TRPC6: variants seen among roughly 807,000 people sequenced by gnomAD.
The protein encoded by TRPC6 is short transient receptor potential channel 6.
TRPC6 carries 55 observed loss-of-function variants against 90.7 expected under a neutral mutation model. That is an observed-to-expected ratio of 0.61 (90% CI 0.49 to 0.76). The LOEUF is 0.76. TRPC6 is among the 30% of genes least tolerant of loss of function. The pLI is 0.00. For synonymous variants in TRPC6, 393 were observed against 393.0 expected (o/e 1.00, Z 0.00); for missense variants, 989 against 1,122.7 (o/e 0.88, Z 1.70).
chr11:101,487,727 T>C (rs187788358), intron 4 of TRPC6, among the ~76,000 whole-genome samples: 1 of 152,316 alleles, frequency 6.6e-6, no homozygotes, highest in Non-Finnish European at 1.5e-5. Flanking sequence ...CTCATTTATA[T>C]TATGAATCTG....
At chr11:101,478,997 C>T (rs951618142) in intron 5 of TRPC6, among the ~76,000 whole-genome samples, 1 of 152,160 alleles carries the variant, frequency 6.6e-6, no homozygotes, top group African/African-American at 2.4e-5. Context: ...CCTGCTAAGT[C>T]GTCACTTTGT....
At chr11:101,523,315 CAG>C (rs1369954684) in intron 1 of TRPC6, among the ~76,000 whole-genome samples, 2 of 152,142 alleles carry the variant, frequency 1.3e-5, no homozygotes, top group African/African-American at 4.8e-5. Context: ...TAGGATTTAA[CAG>C]AGTTTTTTCT....
intron 2 of TRPC6, among the ~76,000 whole-genome samples, chr11:101,497,913 G>A (rs75162908): frequency 0.055 from 8,403 of 152,098 alleles, 554 homozygotes; most frequent in East Asian, 0.33. Flanking sequence ...GGATTTTTAA[G>A]AGGAATAAAA....
intron 1 of TRPC6, among the ~76,000 whole-genome samples, chr11:101,548,893 C>T (rs950395969): frequency 4.0e-5 from 6 of 151,826 alleles, no homozygotes; most frequent in East Asian, 1.9e-4. Context: ...AAAATATATA[C>T]GGTTACATAT....
chr11:101,562,567 C>T (rs1222182137), intron 1 of TRPC6, among the ~76,000 whole-genome samples: 6 of 152,074 alleles, frequency 3.9e-5, no homozygotes, highest in African/African-American at 1.4e-4. Flanking sequence ...GCTCTACAGA[C>T]CTCATACCAA....
chr11:101,500,495 A>G (rs1013710934), intron 2 of TRPC6, among the ~76,000 whole-genome samples: 1 of 152,044 alleles, frequency 6.6e-6, no homozygotes, highest in Non-Finnish European at 1.5e-5. Flanking sequence ...GGTGTGAGCC[A>G]CCATTCTCGG....
intron 1 of TRPC6, among the ~76,000 whole-genome samples, chr11:101,535,808 T>C (rs1861032319): frequency 6.6e-6 from 1 of 152,162 alleles, no homozygotes; most frequent in East Asian, 1.9e-4. Flanking sequence ...GGTAACCAGA[T>C]TAATGGCTAT....
intron 1 of TRPC6, among the ~76,000 whole-genome samples, chr11:101,526,446 A>T (rs1860781162): frequency 6.6e-6 from 1 of 152,220 alleles, no homozygotes; most frequent in Non-Finnish European, 1.5e-5. Flanking sequence ...TAAAGTCAAG[A>T]TCAATAAGTA....
chr11:101,472,010 G>C (rs1054023743), intron 8 of TRPC6, 127 bp downstream of exon 8: 1 of 957,024 alleles, frequency 1.0e-6, no homozygotes, highest in Non-Finnish European at 1.6e-6. Flanking sequence ...CTGGTCAAAC[G>C]AGTGTATAAA....
chr11:101,578,758 CA>C (rs1490859076), intron 1 of TRPC6, among the ~76,000 whole-genome samples: 2 of 152,078 alleles, frequency 1.3e-5, no homozygotes, highest in African/African-American at 4.8e-5. Flanking sequence ...CCATTAATAA[CA>C]AGAGAGTAAA....
intron 1 of TRPC6, among the ~76,000 whole-genome samples, chr11:101,507,728 G>A (rs1302690888): frequency 6.6e-6 from 1 of 151,994 alleles, no homozygotes; most frequent in East Asian, 1.9e-4. Context: ...TTTGATTCTG[G>A]ATATTGTCTT....
intron 10 of TRPC6, 93 bp downstream of exon 10, chr11:101,469,334 A>G: frequency 1.4e-6 from 1 of 697,786 alleles, no homozygotes; most frequent in Non-Finnish European, 2.6e-6. Flanking sequence ...TCTGTTCTCT[A>G]CTTGCTAAAA....
intron 1 of TRPC6, among the ~76,000 whole-genome samples, chr11:101,536,157 T>A (rs1431695516): frequency 6.6e-6 from 1 of 152,104 alleles, no homozygotes; most frequent in African/African-American, 2.4e-5. Context: ...GAGGCCAAGA[T>A]GGGCGGATCA....
chr11:101,468,579 T>C (rs1414178815), intron 10 of TRPC6, among the ~76,000 whole-genome samples: 1 of 152,164 alleles, frequency 6.6e-6, no homozygotes, highest in African/African-American at 2.4e-5. Context: ...ATCCCCGACT[T>C]TTCCTTTGCC....
intron 2 of TRPC6, among the ~76,000 whole-genome samples, chr11:101,502,362 T>C (rs11224802): frequency 0.1 from 15,480 of 152,184 alleles, 906 homozygotes; most frequent in East Asian, 0.16. Flanking sequence ...AGGACAGGAT[T>C]GCTGACTGAA....
intron 1 of TRPC6, among the ~76,000 whole-genome samples, chr11:101,548,415 T>C (rs1437740140): frequency 8.5e-6 from 1 of 117,248 alleles, no homozygotes; most frequent in South Asian, 4.0e-4. Flanking sequence ...TTATATAAAA[T>C]ATATTTAATA....
chr11:101,559,225 C>T (rs1861656598), intron 1 of TRPC6, among the ~76,000 whole-genome samples: 1 of 149,798 alleles, frequency 6.7e-6, no homozygotes, highest in Admixed American at 6.6e-5. Context: ...CAAAAGAAGA[C>T]ATCCAAATGG....
chr11:101,491,491 C>T (rs1859809351), intron 3 of TRPC6, 65 bp downstream of exon 3: 4 of 1,589,228 alleles, frequency 2.5e-6, no homozygotes, highest in Admixed American at 1.7e-5. Flanking sequence ...AATATCAACC[C>T]TTTATCCTTA....
chr11:101,472,631 C>T lies in TRPC6; in HGVS notation c.2010-299G>A, dbSNP rs11224779. ...ACAGATATGAACACTTAATCCATAG[C>T]GTTGGCAATGGAATTGTTAGAATCC... is the stretch of plus-strand genomic sequence containing the variant. On this transcript the variant is annotated intron_variant, in intron 7 of 12. Transcript: ENST00000344327. 0.32 allele frequency among the ~76,000 whole-genome samples: 48,446 copies of T among 152,016 alleles called. 9,525 individuals are homozygous for T. The highest frequency in any genetic ancestry group is 0.56 in the African/African-American group (23,247 of 41,462).
Sources: gnomAD v4.1 joint callset for allele counts (sites outside exome capture counted in the v4.1 genomes callset) on GRCh38, gnomAD v4.1.1 for gene constraint, MANE v1.5 for transcripts, NCBI Gene and HGNC (gene_info 2026-07-23, HGNC 2026-07-21) for gene names.